QTMAN: variants seen among roughly 807,000 people sequenced by gnomAD.
QTMAN encodes queuosine-tRNA mannosyltransferase.
chr2:143,984,618 T>C, the QTMAN span, among the ~76,000 whole-genome samples: 1 of 152,150 alleles, frequency 6.6e-6, no homozygotes, highest in Non-Finnish European at 1.5e-5. Flanking sequence ...ACCCCTGTTT[T>C]CCCACCTGAA....
At chr2:144,118,881 AAAATAAAT>A in the QTMAN span, among the ~76,000 whole-genome samples, 105 of 152,262 alleles carry the variant, frequency 6.9e-4, no homozygotes, top group African/African-American at 2.4e-3. Context: ...ACTTCATCTC[AAAATAAAT>A]AAATAAATAA....
chr2:144,151,847 G>T, the QTMAN span, among the ~76,000 whole-genome samples: 4 of 152,110 alleles, frequency 2.6e-5, no homozygotes, highest in African/African-American at 9.7e-5. Flanking sequence ...AACACAATTT[G>T]CTTTAGTTGT....
chr2:144,128,753 G>C, the QTMAN span, among the ~76,000 whole-genome samples: 1 of 151,770 alleles, frequency 6.6e-6, no homozygotes, highest in East Asian at 1.9e-4. Context: ...TACCCTTCCA[G>C]TTCTGAAAAG....
the QTMAN span, among the ~76,000 whole-genome samples, chr2:144,264,438 T>G: frequency 6.6e-6 from 1 of 152,188 alleles, no homozygotes; most frequent in African/African-American, 2.4e-5. Context: ...GGGGGCTATT[T>G]ATCATGCCCT....
At chr2:144,250,865 T>C in the QTMAN span, among the ~76,000 whole-genome samples, 2 of 151,912 alleles carry the variant, frequency 1.3e-5, no homozygotes, top group African/African-American at 4.8e-5. Flanking sequence ...CACGCAACAC[T>C]TCAGAAAAGT....
At chr2:144,289,019 C>G in the QTMAN span, among the ~76,000 whole-genome samples, 1 of 143,288 alleles carries the variant, frequency 7.0e-6, no homozygotes, top group Non-Finnish European at 1.5e-5. Flanking sequence ...AATTGTTGGA[C>G]AAGAAAATTC....
chr2:144,302,297 A>G, the QTMAN span, among the ~76,000 whole-genome samples: 2 of 152,044 alleles, frequency 1.3e-5, no homozygotes, highest in African/African-American at 2.4e-5. Flanking sequence ...AAAGATATTA[A>G]GCTAGAAGAG....
chr2:144,252,529 G>A, the QTMAN span, among the ~76,000 whole-genome samples: 1 of 152,184 alleles, frequency 6.6e-6, no homozygotes, highest in African/African-American at 2.4e-5. Flanking sequence ...GAAACACTGA[G>A]ATAGCACTAC....
chr2:144,108,387 C>A, the QTMAN span, among the ~76,000 whole-genome samples: 2 of 152,176 alleles, frequency 1.3e-5, no homozygotes, highest in Non-Finnish European at 2.9e-5. Context: ...TGCCTGTAAT[C>A]CCAGCACTTT....
the QTMAN span, chr2:144,332,289 G>A: frequency 2.7e-5 from 4 of 150,418 alleles, no homozygotes; most frequent in East Asian, 7.8e-4. Context: ...CCCCGCCCCC[G>A]GCTCCCCGCG....
the QTMAN span, among the ~76,000 whole-genome samples, chr2:144,157,491 A>G: frequency 6.6e-6 from 1 of 152,024 alleles, no homozygotes; most frequent in African/African-American, 2.4e-5. Context: ...TGGTCTAGAA[A>G]TGCCAAGAAA....
At chr2:144,088,784 C>G in the QTMAN span, among the ~76,000 whole-genome samples, 18 of 152,044 alleles carry the variant, frequency 1.2e-4, no homozygotes, top group African/African-American at 4.3e-4. Context: ...AAAAATAAAA[C>G]TAGATGACTA....
the QTMAN span, among the ~76,000 whole-genome samples, chr2:144,024,970 G>C: frequency 6.6e-6 from 1 of 152,148 alleles, no homozygotes; most frequent in African/African-American, 2.4e-5. Flanking sequence ...TCTATCACAT[G>C]ATATCCCCAT....
the QTMAN span, chr2:144,145,455 T>C: frequency 1.6e-6 from 1 of 618,432 alleles, no homozygotes. Context: ...TATTTGCACC[T>C]ACCTTATGGT....
chr2:144,021,589 G>T, the QTMAN span, among the ~76,000 whole-genome samples: 1 of 152,258 alleles, frequency 6.6e-6, no homozygotes, highest in East Asian at 1.9e-4. Context: ...GAAATGATAG[G>T]TTTCCTAATG....
chr2:144,317,384 T>TGGAAGTAA, the QTMAN span: 1 of 97,372 alleles, frequency 1.0e-5, no homozygotes, highest in East Asian at 2.8e-4. Flanking sequence ...GAAGGAAGGA[T>TGGAAGTAA]GGAAGGAAGG....
chr2:144,154,133 G>T, the QTMAN span, among the ~76,000 whole-genome samples: 1 of 152,212 alleles, frequency 6.6e-6, no homozygotes, highest in African/African-American at 2.4e-5. Flanking sequence ...GAATATAAGT[G>T]GTACAAAGAA....
chr2:144,148,807 C>A, the QTMAN span, among the ~76,000 whole-genome samples: 1 of 151,834 alleles, frequency 6.6e-6, no homozygotes, highest in South Asian at 2.1e-4. Context: ...TAATATTCCC[C>A]ATTTGAGACT....
chr2:144,171,682 A>C, the QTMAN span, among the ~76,000 whole-genome samples: 3 of 152,186 alleles, frequency 2.0e-5, no homozygotes, highest in Non-Finnish European at 4.4e-5. Flanking sequence ...TTATACACCA[A>C]AAGAGTAGAA....
Sources: allele counts gnomAD v4.1 joint callset (sites outside exome capture counted in the v4.1 genomes callset), GRCh38; gene constraint gnomAD v4.1.1; transcripts MANE v1.5; gene names NCBI Gene and HGNC (gene_info 2026-07-23, HGNC 2026-07-21).